PTPRT: variants seen among roughly 807,000 people sequenced by gnomAD.
PTPRT encodes protein tyrosine phosphatase receptor type T, also known as receptor-type tyrosine-protein phosphatase T.
PTPRT carries 56 observed loss-of-function variants against 176.8 expected under a neutral mutation model. That is an observed-to-expected ratio of 0.32 (90% CI 0.26 to 0.40). PTPRT has a LOEUF of 0.40. PTPRT is among the 10% of genes least tolerant of loss of function. The pLI is 1.00. For missense variants in PTPRT, 1,540 were observed against 1,908.2 expected (o/e 0.81, Z 3.60); for synonymous variants, 783 against 739.0 (o/e 1.06, Z -0.96).
intron 16 of PTPRT, among the ~76,000 whole-genome samples, chr20:42,177,193 G>C (rs1990330551): frequency 6.6e-6 from 1 of 152,214 alleles, no homozygotes; most frequent in Non-Finnish European, 1.5e-5. Flanking sequence ...AGTGTGGCCT[G>C]AGAGCCTGCA....
chr20:42,553,184 A>T (rs2072799187), intron 7 of PTPRT, among the ~76,000 whole-genome samples: 4 of 152,162 alleles, frequency 2.6e-5, no homozygotes, highest in Admixed American at 2.0e-4. Context: ...CATAAAATTC[A>T]ATGATAGGCT....
intron 7 of PTPRT, among the ~76,000 whole-genome samples, chr20:42,562,853 C>G (rs2072975053): frequency 6.6e-6 from 1 of 152,188 alleles, no homozygotes; most frequent in Non-Finnish European, 1.5e-5. Flanking sequence ...CTCCTTCTAT[C>G]TTCCTGGCCT....
intron 1 of PTPRT, among the ~76,000 whole-genome samples, chr20:43,133,041 A>C (rs1243299839): frequency 3.5e-5 from 4 of 114,160 alleles, no homozygotes; most frequent in Non-Finnish European, 5.4e-5. Flanking sequence ...AGAAAGAGAT[A>C]GCATAAATAG....
chr20:43,063,768 C>T (rs1987566653), intron 1 of PTPRT, among the ~76,000 whole-genome samples: 1 of 152,202 alleles, frequency 6.6e-6, no homozygotes, highest in Non-Finnish European at 1.5e-5. Flanking sequence ...ATTGCCTAGA[C>T]AGGAACCACT....
intron 1 of PTPRT, among the ~76,000 whole-genome samples, chr20:43,142,457 T>C (rs2014042603): frequency 6.6e-6 from 1 of 152,060 alleles, no homozygotes; most frequent in African/African-American, 2.4e-5. Context: ...CAAAGAAGAG[T>C]GAGTCCCAGG....
chr20:42,374,128 A>G (rs1195675219), intron 9 of PTPRT, among the ~76,000 whole-genome samples: 1 of 152,228 alleles, frequency 6.6e-6, no homozygotes, highest in Admixed American at 6.5e-5. Context: ...AGCGTCTGCC[A>G]GCTGCAGGGA....
intron 1 of PTPRT, among the ~76,000 whole-genome samples, chr20:43,121,004 C>T (rs1030114023): frequency 3.3e-5 from 5 of 152,140 alleles, no homozygotes; most frequent in African/African-American, 1.2e-4. Context: ...TTGTTCTTTC[C>T]AGTCCACATC....
At chr20:42,573,745 CTTTCTT>C (rs1163739230) in intron 7 of PTPRT, among the ~76,000 whole-genome samples, 2 of 115,456 alleles carry the variant, frequency 1.7e-5, no homozygotes, top group Non-Finnish European at 3.4e-5. Context: ...CCCTTTCTTT[CTTTCTT>C]TTTTTTTTTT....
At chr20:42,620,842 G>C (rs1245922874) in intron 7 of PTPRT, among the ~76,000 whole-genome samples, 6 of 152,126 alleles carry the variant, frequency 3.9e-5, no homozygotes, top group Non-Finnish European at 5.9e-5. Flanking sequence ...CCACTGTCTG[G>C]CACTCCCTAG....
At chr20:42,942,726 G>A (rs1232292994) in intron 1 of PTPRT, among the ~76,000 whole-genome samples, 4 of 152,082 alleles carry the variant, frequency 2.6e-5, no homozygotes, top group Non-Finnish European at 4.4e-5. Context: ...TTTAGCAAGC[G>A]GCCAACTCTT....
chr20:42,847,993 C>A (rs2078405140), intron 2 of PTPRT, among the ~76,000 whole-genome samples: 1 of 152,164 alleles, frequency 6.6e-6, no homozygotes, highest in Admixed American at 6.5e-5. Context: ...CCCTCCCACC[C>A]TTTCCCCGAG....
chr20:42,453,669 CTTTTCTTTTTT>C (rs1347068643), intron 8 of PTPRT, among the ~76,000 whole-genome samples: 2 of 112,018 alleles, frequency 1.8e-5, no homozygotes, highest in Admixed American at 8.6e-5. Context: ...TTTTCTTTTT[CTTTTCTTTTTT>C]TTTTTTTAAG....
chr20:42,298,645 G>A (rs974683080), intron 12 of PTPRT, among the ~76,000 whole-genome samples: 7 of 152,258 alleles, frequency 4.6e-5, no homozygotes, highest in South Asian at 2.1e-4. Flanking sequence ...GTACTGTGCC[G>A]GGCGCGGTGG....
intron 1 of PTPRT, among the ~76,000 whole-genome samples, chr20:42,946,280 A>G (rs561076925): frequency 2.6e-5 from 4 of 152,184 alleles, no homozygotes; most frequent in Non-Finnish European, 4.4e-5. Context: ...GAGGAGTGCC[A>G]CAGCAGATGG....
At chr20:42,847,844 T>A (rs1480736568) in intron 2 of PTPRT, among the ~76,000 whole-genome samples, 5 of 152,142 alleles carry the variant, frequency 3.3e-5, no homozygotes, top group African/African-American at 1.2e-4. Context: ...TTTAAAAAAT[T>A]TTTTCCATAG....
intron 1 of PTPRT, among the ~76,000 whole-genome samples, chr20:42,986,585 A>T (rs1185713524): frequency 6.6e-6 from 1 of 152,176 alleles, no homozygotes; most frequent in Non-Finnish European, 1.5e-5. Flanking sequence ...GCCAGCAAAC[A>T]GAACTAGAGA....
At chr20:42,700,266 T>C (rs547604622) in intron 6 of PTPRT, among the ~76,000 whole-genome samples, 2 of 152,096 alleles carry the variant, frequency 1.3e-5, no homozygotes, top group Non-Finnish European at 2.9e-5. Flanking sequence ...CTGAGCTCTG[T>C]GTGATGCAGC....
chr20:42,935,811 G>A (rs747447228), intron 1 of PTPRT, among the ~76,000 whole-genome samples: 11 of 152,094 alleles, frequency 7.2e-5, no homozygotes, highest in Non-Finnish European at 1.0e-4. Flanking sequence ...ATGCAATGGC[G>A]CGATCTTGGC....
intron 9 of PTPRT, among the ~76,000 whole-genome samples, chr20:42,357,962 T>A (rs1391796974): frequency 6.6e-6 from 1 of 151,168 alleles, no homozygotes; most frequent in African/African-American, 2.4e-5. Context: ...TTGAAGGTCA[T>A]AGAAAAGCAA....
Sources: gnomAD v4.1 joint callset for allele counts (sites outside exome capture counted in the v4.1 genomes callset) on GRCh38, gnomAD v4.1.1 for gene constraint, MANE v1.5 for transcripts, NCBI Gene and HGNC (gene_info 2026-07-23, HGNC 2026-07-21) for gene names.